ZBTB8A: variants seen among roughly 807,000 people sequenced by gnomAD.
The protein encoded by ZBTB8A is zinc finger and BTB domain containing 8A.
ZBTB8A carries 19 observed loss-of-function variants against 37.8 expected under a neutral mutation model. That is an observed-to-expected ratio of 0.50 (90% CI 0.35 to 0.74). ZBTB8A has a LOEUF of 0.74. ZBTB8A is among the 30% of genes least tolerant of loss of function. The probability of loss-of-function intolerance (pLI) is 0.01; values close to 1 mark genes in which losing one functional copy is unlikely to be tolerated. For missense variants in ZBTB8A, 394 were observed against 537.8 expected (o/e 0.73, Z 2.65); for synonymous variants, 181 against 185.2 (o/e 0.98, Z 0.19).
At chr1:32,583,174 A>T (rs948937940) in intron 2 of ZBTB8A, among the ~76,000 whole-genome samples, 11 of 151,930 alleles carry the variant, frequency 7.2e-5, no homozygotes, top group Non-Finnish European at 1.5e-4. Flanking sequence ...TGAGCCCAGG[A>T]GTTTGGGACC....
At chr1:32,572,046 G>A (rs1385595284) in intron 2 of ZBTB8A, among the ~76,000 whole-genome samples, 1 of 151,936 alleles carries the variant, frequency 6.6e-6, no homozygotes, top group Non-Finnish European at 1.5e-5. Flanking sequence ...TGGGACTACA[G>A]GTGCACACCA....
At chr1:32,578,779 TC>T (rs1211938195) in intron 2 of ZBTB8A, among the ~76,000 whole-genome samples, 6 of 152,150 alleles carry the variant, frequency 3.9e-5, no homozygotes, top group Admixed American at 2.0e-4. Context: ...ACAGGTGTGA[TC>T]ATAGCGCGCT....
At chr1:32,599,966 G>A in intron 4 of ZBTB8A, 121 bp from the exon 5 acceptor site, 1 of 708,428 alleles carries the variant, frequency 1.4e-6, no homozygotes, top group Non-Finnish European at 2.3e-6. Flanking sequence ...CTAAATAATA[G>A]ATGTTAATTT....
chr1:32,573,126 A>T (rs78643161), intron 2 of ZBTB8A, among the ~76,000 whole-genome samples: 2 of 137,714 alleles, frequency 1.5e-5, no homozygotes, highest in African/African-American at 2.8e-5. Flanking sequence ...GCTGGAGTGC[A>T]GTGGCATGAT....
intron 1 of ZBTB8A, among the ~76,000 whole-genome samples, chr1:32,546,798 G>A (rs1216349502): frequency 6.6e-6 from 1 of 152,192 alleles, no homozygotes; most frequent in Non-Finnish European, 1.5e-5. Context: ...AACACGGAGG[G>A]CATAGCGGAT....
rs376163459 is a variant in ZBTB8A at position 32,603,523 on chromosome 1, AATTAAAACCTG to A, written c.*3108_*3118del. On this transcript the variant is annotated 3_prime_UTR_variant, in exon 5 of 5. Transcript: ENST00000373510. ...CCCAATTAATACTGACACCTTTTGA[AATTAAAACCTG>A]ATTTTTTAGTTGTTGGAGCCAGTAG... 6.6e-6 allele frequency: 1 copy of A among 152,666 alleles called. No individual in the cohort carries two copies. The highest frequency in any genetic ancestry group is 1.5e-5 in the Non-Finnish European group (1 of 68,028). 9.5% of individuals were successfully genotyped at this position (152,666 alleles called of 1,614,324 possible).
intron 2 of ZBTB8A, among the ~76,000 whole-genome samples, chr1:32,564,319 C>A (rs984924818): frequency 6.6e-6 from 1 of 152,124 alleles, no homozygotes; most frequent in Non-Finnish European, 1.5e-5. Flanking sequence ...GTAATTGATA[C>A]ATCAGAATTT....
Position 32,577,429 on chromosome 1 carries a change from C to T in ZBTB8A, c.-1-15502C>T, listed in dbSNP as rs538981817. ...CCTTCCAAAGTGCTGGGATTACAGG[C>T]GTGAGCCACTGAGCCCTGCCGTCAG... On this transcript the variant is annotated intron_variant, in intron 2 of 4. Coordinates refer to ENST00000373510, the MANE Select transcript of ZBTB8A (RefSeq NM_001040441.3). Among the ~76,000 whole-genome samples, 3 of 150,708 alleles carry T rather than the reference C, an allele frequency of 2.0e-5. No homozygotes were observed. In the East Asian group the frequency reaches 5.8e-4, roughly 29 times the overall value.
Position 32,601,405 on chromosome 1 carries a change from C to G in ZBTB8A, c.*986C>G, listed in dbSNP as rs1479413985. On this transcript the variant is annotated 3_prime_UTR_variant, in exon 5 of 5. Transcript: ENST00000373510. ...AGGAGAATCGATTGAACCTGGAAGG[C>G]AGAAGTTGCAGTGAGCCGAGATCAC... is the stretch of plus-strand genomic sequence containing the variant. The G allele has an allele frequency of 3.0e-6, 1 of 336,260 alleles. No individual in the cohort carries two copies. The highest frequency in any genetic ancestry group is 5.3e-6 in the Non-Finnish European group (1 of 188,164). 20.8% of individuals were successfully genotyped at this position (336,260 alleles called of 1,614,324 possible).
chr1:32,593,159 TAC>T lies in ZBTB8A; in HGVS notation c.230_231del (p.Thr77SerfsTer26). 1 of 1,614,230 alleles carries T rather than the reference TAC, an allele frequency of 6.2e-7. No homozygotes were observed. The highest frequency in any genetic ancestry group is 8.5e-7 in the Non-Finnish European group (1 of 1,180,048). Reference sequence around the variant, plus strand: ...TTCAGGCTTTCTCCCCTGACACTTTTACAGTTATCTTGGACTTCGTATATTCT... The same window carrying T: ...TTCAGGCTTTCTCCCCTGACACTTTTAGTTATCTTGGACTTCGTATATTCT... Reference protein sequence around the residue: ...TFQAFSPDTFTVILDFVYSGK... With the variant: ...TFQAFSPDTFXVILDFVYSGK... On this transcript the variant is annotated frameshift_variant, in exon 3 of 5. Transcript: ENST00000373510. LOFTEE classifies it high-confidence loss of function.
chr1:32,594,660 C>T (rs1644515923), intron 3 of ZBTB8A, among the ~76,000 whole-genome samples: 1 of 151,818 alleles, frequency 6.6e-6, no homozygotes, highest in Non-Finnish European at 1.5e-5. Context: ...ACTCAGGAGC[C>T]TGAGGCAGAA....
chr1:32,567,825 A>G (rs201714825), intron 2 of ZBTB8A, among the ~76,000 whole-genome samples: 4 of 63,676 alleles, frequency 6.3e-5, no homozygotes, highest in Non-Finnish European at 1.1e-4. Context: ...AAAAAAAAAC[A>G]AAAACAAAAC....
chr1:32,592,355 T>C lies in ZBTB8A; in HGVS notation c.-1-576T>C, dbSNP rs547253606. On this transcript the variant is annotated intron_variant, in intron 2 of 4. Transcript: ENST00000373510. ...GTTGGAGACCAGCTCGGGTACGTGG[T>C]GAGACCTTATCTCTATTAAAAACAA... Among the ~76,000 whole-genome samples the C allele has an allele frequency of 8.0e-4, 121 of 151,682 alleles. 1 individual carries two copies. Among genetic ancestry groups the C allele is most frequent in the African/African-American group, 2.5e-3 (104 of 41,298 alleles).
At chr1:32,587,324 C>T (rs1171549374) in intron 2 of ZBTB8A, among the ~76,000 whole-genome samples, 1 of 152,048 alleles carries the variant, frequency 6.6e-6, no homozygotes, top group Non-Finnish European at 1.5e-5. Context: ...TGGGATTTTG[C>T]TATTCTGAAG....
At chr1:32,554,699 G>A (rs1269449265) in intron 2 of ZBTB8A, among the ~76,000 whole-genome samples, 1 of 151,744 alleles carries the variant, frequency 6.6e-6, no homozygotes, top group Non-Finnish European at 1.5e-5. Context: ...GGCTGGTCTC[G>A]AACTCCTGAC....
chr1:32,598,250 T>C lies in ZBTB8A; in HGVS notation c.994-1837T>C, dbSNP rs1644548170. On this transcript the variant is annotated intron_variant, in intron 4 of 4. Transcript: ENST00000373510. Reference sequence around the variant, plus strand: ...TTTTTTTTTTTTTTTTTTTTTTTTTTGAGATGAAGTCTCACTGTGTCATCT... The same window carrying C: ...TTTTTTTTTTTTTTTTTTTTTTTTTCGAGATGAAGTCTCACTGTGTCATCT... 3.6e-5 allele frequency among the ~76,000 whole-genome samples: 5 copies of C among 139,562 alleles called. No homozygotes were observed. The South Asian group carries it at 1.2e-3, about 32-fold the overall frequency. 91.6% of individuals were successfully genotyped at this position (139,562 alleles called of 152,430 possible).
chr1:32,546,845 C>T (rs992496638), intron 1 of ZBTB8A, among the ~76,000 whole-genome samples: 4 of 152,162 alleles, frequency 2.6e-5, no homozygotes, highest in African/African-American at 9.7e-5. Flanking sequence ...GTCTCCCTGG[C>T]GCTGTTGGAC....
intron 2 of ZBTB8A, among the ~76,000 whole-genome samples, chr1:32,561,855 A>G (rs1644245887): frequency 6.6e-6 from 1 of 152,180 alleles, no homozygotes; most frequent in Non-Finnish European, 1.5e-5. Context: ...AGACTTCAGC[A>G]TATAATTTTG....
intron 1 of ZBTB8A, among the ~76,000 whole-genome samples, chr1:32,550,121 G>T (rs1358688644): frequency 1.3e-5 from 2 of 152,100 alleles, no homozygotes; most frequent in Non-Finnish European, 2.9e-5. Context: ...ACTTTGGGAG[G>T]CCGAGGTGGG....
Sources: allele counts gnomAD v4.1 joint callset (sites outside exome capture counted in the v4.1 genomes callset), GRCh38; gene constraint gnomAD v4.1.1; transcripts MANE v1.5; gene names NCBI Gene and HGNC (gene_info 2026-07-23, HGNC 2026-07-21).